Variants in MEGF11 observed in about 807,000 individuals in gnomAD.
MEGF11 encodes the protein multiple epidermal growth factor-like domains protein 11.
MEGF11 carries 126 observed loss-of-function variants against 146.6 expected under a neutral mutation model. The observed-to-expected ratio is 0.86, with a 90% confidence interval of 0.74 to 1.00. The LOEUF (loss-of-function observed/expected upper bound fraction) is 1.00. Ranked by LOEUF, MEGF11 falls within the 50% of genes least tolerant of loss-of-function variation. The pLI, the probability that MEGF11 is intolerant of heterozygous loss-of-function variation, is 0.00. For synonymous variants in MEGF11, 532 were observed against 583.4 expected (o/e 0.91, Z 1.27); for missense variants, 1,509 against 1,521.2 (o/e 0.99, Z 0.13).
At chr15:66,151,628 T>C (rs565054602) in intron 1 of MEGF11, among the ~76,000 whole-genome samples, 1 of 152,274 alleles carries the variant, frequency 6.6e-6, no homozygotes, top group East Asian at 1.9e-4. Context: ...CAGTTTCCCT[T>C]CCTGCTTCCT....
intron 24 of MEGF11, among the ~76,000 whole-genome samples, chr15:65,905,034 A>G (rs544599218): frequency 6.2e-4 from 94 of 152,294 alleles, no homozygotes; most frequent in African/African-American, 2.2e-3. Context: ...CTGGGATTAC[A>G]GGTGTGTGCC....
At chr15:65,922,709 A>T in intron 14 of MEGF11, 114 bp downstream of exon 14, 1 of 1,356,268 alleles carries the variant, frequency 7.4e-7, no homozygotes, top group South Asian at 1.5e-5. Flanking sequence ...GGGAAGGAAG[A>T]GATGGGGGCT....
intron 5 of MEGF11, among the ~76,000 whole-genome samples, chr15:66,005,520 CA>C (rs2082495289): frequency 6.6e-6 from 1 of 151,972 alleles, no homozygotes; most frequent in Non-Finnish European, 1.5e-5. Flanking sequence ...AGGTGGGAAG[CA>C]AAAAAGGCAG....
chr15:66,132,153 C>T (rs1437734345), intron 1 of MEGF11, among the ~76,000 whole-genome samples: 2 of 152,220 alleles, frequency 1.3e-5, no homozygotes, highest in African/African-American at 4.8e-5. Flanking sequence ...GAGATGGCAG[C>T]ATCCTCTGGA....
intron 1 of MEGF11, among the ~76,000 whole-genome samples, chr15:66,187,818 C>T (rs911832807): frequency 7.2e-5 from 11 of 152,214 alleles, no homozygotes; most frequent in African/African-American, 1.9e-4. Flanking sequence ...ATCCGCCAGC[C>T]GGCATCATAC....
Position 65,982,069 on chromosome 15 carries a change from C to G in MEGF11, c.641+173G>C, listed in dbSNP as rs973053313. Among the ~76,000 whole-genome samples, 1 of 152,148 alleles carries G rather than the reference C, an allele frequency of 6.6e-6. No individual in the cohort carries two copies. The highest frequency in any genetic ancestry group is 2.4e-5 in the African/African-American group (1 of 41,424). On this transcript the variant is annotated intron_variant, in intron 6 of 25. Coordinates refer to ENST00000395614, the MANE Select transcript of MEGF11 (RefSeq NM_001385028.1). This position sits in a 1 kb window ranked among gnomAD's most constrained non-coding sequence, Gnocchi z 5.6. ...CACAGCCAAGACTATCCCTCCTGGT[C>G]CCACCACCCAGCCCACCCACAAGGA...
intron 1 of MEGF11, among the ~76,000 whole-genome samples, chr15:66,229,364 GT>G (rs2091918056): frequency 1.3e-5 from 2 of 152,080 alleles, no homozygotes; most frequent in Non-Finnish European, 2.9e-5. Flanking sequence ...ATATGCACGT[GT>G]CCCAGCCGAA....
chr15:66,211,319 C>T (rs186986149), intron 1 of MEGF11, among the ~76,000 whole-genome samples: 162 of 152,158 alleles, frequency 1.1e-3, no homozygotes, highest in East Asian at 1.9e-3. Context: ...GTCAGGAGAT[C>T]GAGACCATCT....
intron 9 of MEGF11, among the ~76,000 whole-genome samples, chr15:65,959,222 A>AGAGTC (rs1223847362): frequency 4.6e-5 from 7 of 152,252 alleles, no homozygotes; most frequent in African/African-American, 1.7e-4. Flanking sequence ...AGGGCCCAAC[A>AGAGTC]GAGTCCCTGG....
intron 1 of MEGF11, among the ~76,000 whole-genome samples, chr15:66,168,190 G>A (rs966988873): frequency 3.3e-5 from 5 of 151,892 alleles, no homozygotes; most frequent in Admixed American, 1.3e-4. Context: ...TCCAGCCACC[G>A]TGGCCTTCTC....
chr15:65,944,769 A>ATAATTGTT (rs2080128346), intron 10 of MEGF11, among the ~76,000 whole-genome samples: 1 of 152,198 alleles, frequency 6.6e-6, no homozygotes, highest in African/African-American at 2.4e-5. Flanking sequence ...AAGACAGCCC[A>ATAATTGTT]GAATTTAACA....
At chr15:66,045,997 G>A (rs1355509065) in intron 5 of MEGF11, among the ~76,000 whole-genome samples, 4 of 152,124 alleles carry the variant, frequency 2.6e-5, no homozygotes, top group Non-Finnish European at 5.9e-5. Flanking sequence ...CAGCTACTCG[G>A]GAGGCTGAGG....
At chr15:66,003,616 C>T (rs1178096442) in intron 5 of MEGF11, among the ~76,000 whole-genome samples, 3 of 152,104 alleles carry the variant, frequency 2.0e-5, no homozygotes, top group Admixed American at 2.0e-4. Flanking sequence ...CGAGTCCCCT[C>T]CCTCACCCCA....
chr15:66,038,286 G>A (rs889350495), intron 5 of MEGF11, among the ~76,000 whole-genome samples: 3 of 152,212 alleles, frequency 2.0e-5, no homozygotes, highest in African/African-American at 7.2e-5. Flanking sequence ...ATGGAGGAAA[G>A]AGCAGGGCTC....
At chr15:65,910,074 GC>G (rs1223142151) in intron 21 of MEGF11, 1 of 616,442 alleles carries the variant, frequency 1.6e-6, no homozygotes, top group Admixed American at 2.1e-5. Flanking sequence ...AGCCAAGCTG[GC>G]CCTGACAGAG....
chr15:65,991,313 AT>A (rs1167190639), intron 5 of MEGF11, among the ~76,000 whole-genome samples: 1 of 152,072 alleles, frequency 6.6e-6, no homozygotes, highest in African/African-American at 2.4e-5. Context: ...TTTCTTACTA[AT>A]CCTGTGCCAG....
At chr15:66,191,122 G>C (rs1567278281) in intron 1 of MEGF11, among the ~76,000 whole-genome samples, 2 of 152,138 alleles carry the variant, frequency 1.3e-5, no homozygotes, top group Admixed American at 1.3e-4. Context: ...TGCCTCTGAA[G>C]AAGGAACACA....
intron 10 of MEGF11, among the ~76,000 whole-genome samples, chr15:65,955,739 TAAAAAA>T (rs1189666912): frequency 6.2e-4 from 6 of 9,736 alleles, no homozygotes; most frequent in African/African-American, 1.2e-3. Flanking sequence ...GTGAGACTCT[TAAAAAA>T]AAAAAAAAAA....
At chr15:65,960,929 C>T (rs577102711) in intron 9 of MEGF11, among the ~76,000 whole-genome samples, 5 of 152,276 alleles carry the variant, frequency 3.3e-5, no homozygotes, top group African/African-American at 7.2e-5. Context: ...AACCAGAAGG[C>T]TCAAAACCAA....
Sources: gnomAD v4.1 joint callset for allele counts (sites outside exome capture counted in the v4.1 genomes callset) on GRCh38, gnomAD v4.1.1 for gene constraint, Gnocchi (gnomAD v3.1) non-coding constraint, MANE v1.5 for transcripts, NCBI Gene and HGNC (gene_info 2026-07-23, HGNC 2026-07-21) for gene names.